The following ACSBG2 variants were observed in gnomAD, a reference collection of about 807,000 sequenced individuals.
ACSBG2 encodes the protein acyl-CoA synthetase bubblegum family member 2, also known as long-chain-fatty-acid--CoA ligase ACSBG2.
Under a neutral mutation model 74.7 loss-of-function variants are expected in ACSBG2, and 62 were observed. The ratio of observed to expected loss-of-function variants is 0.83; its 90% CI spans 0.68 to 1.03. The LOEUF is 1.03. Among genes scored for constraint, ACSBG2 ranks in the 50% least tolerant of loss-of-function variants. The probability of loss-of-function intolerance (pLI) is 0.00; values close to 1 mark genes in which losing one functional copy is unlikely to be tolerated. For synonymous variants in ACSBG2, 309 were observed against 294.1 expected, an observed-to-expected ratio of 1.05 and a Z score of -0.52; for missense variants, 730 against 817.6, an observed-to-expected ratio of 0.89 and a Z score of 1.31.
intron 2 of ACSBG2, among the ~76,000 whole-genome samples, chr19:6,142,947 GCACAGTT>G (rs1011796180): frequency 1.1e-4 from 17 of 152,024 alleles, no homozygotes; most frequent in Non-Finnish European, 2.2e-4. Flanking sequence ...AACTGGCCGG[GCACAGTT>G]CACATCTGTA....
chr19:6,143,732 C>G (rs1289180838), intron 2 of ACSBG2, among the ~76,000 whole-genome samples: 1 of 152,144 alleles, frequency 6.6e-6, no homozygotes, highest in East Asian at 1.9e-4. Flanking sequence ...CTCCTCATCA[C>G]CCCCATCTCC....
chr19:6,191,976 C>T (rs2090573791), intron 14 of ACSBG2: 1 of 148,848 alleles, frequency 6.7e-6, no homozygotes, highest in Non-Finnish European at 1.5e-5. Context: ...TACACCAGTG[C>T]TGTCCAATAT....
intron 7 of ACSBG2, chr19:6,176,309 C>T (rs1336847231): frequency 3.4e-5 from 48 of 1,394,924 alleles, no homozygotes; most frequent in African/African-American, 9.0e-5. Context: ...AGTATGTGAG[C>T]GCCCCAATCT....
intron 1 of ACSBG2, among the ~76,000 whole-genome samples, chr19:6,137,682 CTT>C (rs2088638982): frequency 6.6e-6 from 1 of 152,054 alleles, no homozygotes; most frequent in Non-Finnish European, 1.5e-5. Flanking sequence ...GAGTTTCACT[CTT>C]ATCTCCCAGG....
At chr19:6,156,785 CATTTT>C (rs2089437368) in intron 5 of ACSBG2, among the ~76,000 whole-genome samples, 1 of 144,640 alleles carries the variant, frequency 6.9e-6, no homozygotes, top group African/African-American at 2.8e-5. Flanking sequence ...ACTCAGCCTC[CATTTT>C]TTTTTTTTTT....
intron 11 of ACSBG2, 41 bp downstream of exon 11, chr19:6,185,694 G>A: frequency 1.2e-6 from 2 of 1,607,878 alleles, no homozygotes; most frequent in Non-Finnish European, 1.7e-6. Flanking sequence ...CTGCAAGCAG[G>A]CCCACCCTGA....
chr19:6,193,015 C>A lies in ACSBG2; in HGVS notation c.*383C>A, dbSNP rs1469681680. 6.6e-6 allele frequency: 1 copy of A among 152,076 alleles called. No individual in the cohort carries two copies. The allele number at this position is 152,076 out of a possible 1,614,324, so 9.4% of individuals were successfully genotyped here. On this transcript the variant is annotated 3_prime_UTR_variant, in exon 15 of 15. Transcript: ENST00000588485. Reference sequence around the variant, plus strand: ...GCCTCACAGATTTGAAGAACTGGACCCCCAAATCAACTCACCTGCCTGGAA... The same window carrying A: ...GCCTCACAGATTTGAAGAACTGGACACCCAAATCAACTCACCTGCCTGGAA...
At chr19:6,161,454 G>A (rs2089613457) in intron 6 of ACSBG2, 159 bp downstream of exon 6, 3 of 609,932 alleles carry the variant, frequency 4.9e-6, no homozygotes, top group Admixed American at 2.9e-5. Context: ...GGAAGTGAAA[G>A]GTGAGGAAAG....
chr19:6,156,883 A>G (rs2089443307), intron 5 of ACSBG2, among the ~76,000 whole-genome samples: 1 of 151,114 alleles, frequency 6.6e-6, no homozygotes, highest in Non-Finnish European at 1.5e-5. Context: ...TCCTGGTCTC[A>G]ACTGATCCTT....
chr19:6,183,231 A>AC lies in ACSBG2; in HGVS notation c.1285dup (p.His429ProfsTer8). 1 of 1,613,914 alleles carries AC rather than the reference A, an allele frequency of 6.2e-7. No homozygotes were observed. The highest frequency in any genetic ancestry group is 8.5e-7 in the Non-Finnish European group (1 of 1,179,978). ...TGTATGGGTTGAGTGAGAGCTCGGG[A>AC]CCCCACACGATATCCAACCAGAATA... is the stretch of plus-strand genomic sequence containing the variant. On this transcript the variant is annotated frameshift_variant, in exon 10 of 15. Transcript: ENST00000588485. LOFTEE classifies it high-confidence loss of function.
At chr19:6,159,069 T>C (rs1245619246) in intron 5 of ACSBG2, among the ~76,000 whole-genome samples, 1 of 152,190 alleles carries the variant, frequency 6.6e-6, no homozygotes, top group African/African-American at 2.4e-5. Flanking sequence ...GTGATTCTCA[T>C]GCTTCAGTCT....
At chr19:6,164,830 A>G (rs2089744484) in intron 6 of ACSBG2, among the ~76,000 whole-genome samples, 1 of 152,212 alleles carries the variant, frequency 6.6e-6, no homozygotes, top group Admixed American at 6.5e-5. Context: ...CTCAGTCGAT[A>G]CAACCCAAGA....
At chr19:6,138,553 GGAA>G (rs796322924) in intron 1 of ACSBG2, among the ~76,000 whole-genome samples, 2,407 of 120,486 alleles carry the variant, frequency 0.02, 120 homozygotes, top group African/African-American at 0.078. Flanking sequence ...GAGGGAGGGA[GGAA>G]GGAAGGAAAG....
chr19:6,168,416 C>A (rs1356130280), intron 7 of ACSBG2, among the ~76,000 whole-genome samples: 1 of 152,174 alleles, frequency 6.6e-6, no homozygotes, highest in Non-Finnish European at 1.5e-5. Flanking sequence ...TCCCATTTGG[C>A]TACTTTTTTT....
At position 6,187,796 on chromosome 19, in the gene ACSBG2, A is replaced by G; in HGVS notation, c.1878A>G (p.Glu626=). ...QEAMNNAQRI[E]KWVILEKDFS... ...CCATGAACAATGCACAGAGGATTGAAAAGTGGGTCATCTTGGAGAAGGACT... is the reference window on the plus strand; with the variant it reads ...CCATGAACAATGCACAGAGGATTGAGAAGTGGGTCATCTTGGAGAAGGACT... Residue 626 remains glutamate, a synonymous_variant, in exon 13 of 15, where the codon GAA becomes GAG. Coordinates refer to ENST00000588485, the MANE Select transcript of ACSBG2 (RefSeq NM_030924.5). 6.2e-7 allele frequency: 1 copy of G among 1,614,182 alleles called. No individual in the cohort carries two copies. Among genetic ancestry groups the G allele is most frequent in the Non-Finnish European group, 8.5e-7 (1 of 1,180,032 alleles).
At chr19:6,177,106 A>G in intron 7 of ACSBG2, 123 bp from the exon 8 acceptor site, 1 of 1,019,366 alleles carries the variant, frequency 9.8e-7, no homozygotes, top group Non-Finnish European at 1.4e-6. Flanking sequence ...GGCTGCAGTG[A>G]GCTGTGATCA....
chr19:6,171,793 C>G (rs1299342030), intron 7 of ACSBG2, among the ~76,000 whole-genome samples: 1 of 152,186 alleles, frequency 6.6e-6, no homozygotes, highest in Non-Finnish European at 1.5e-5. Context: ...CTGTATTACT[C>G]CCTCAAATAT....
At chr19:6,141,170 A>G (rs1317127837) in intron 1 of ACSBG2, among the ~76,000 whole-genome samples, 7 of 152,178 alleles carry the variant, frequency 4.6e-5, no homozygotes, top group Non-Finnish European at 1.0e-4. Flanking sequence ...TCATGTTAAT[A>G]TTACCTTTAA....
intron 2 of ACSBG2, among the ~76,000 whole-genome samples, chr19:6,143,410 A>G (rs10775590): frequency 0.58 from 88,275 of 151,298 alleles, 26,808 homozygotes; most frequent in Admixed American, 0.68. Context: ...AAACAAAAAC[A>G]AAAACAAACA....
Sources: gnomAD v4.1 joint callset for allele counts (sites outside exome capture counted in the v4.1 genomes callset) on GRCh38, gnomAD v4.1.1 for gene constraint, MANE v1.5 for transcripts, NCBI Gene and HGNC (gene_info 2026-07-23, HGNC 2026-07-21) for gene names.